PTCHD4: variants seen among roughly 807,000 people sequenced by gnomAD.
The protein encoded by PTCHD4 is patched domain containing 4, also known as patched domain-containing protein 4.
Under a neutral mutation model 58.1 loss-of-function variants are expected in PTCHD4, and 33 were observed. That is an observed-to-expected ratio of 0.57 (90% CI 0.43 to 0.76). The LOEUF (loss-of-function observed/expected upper bound fraction) is 0.76. PTCHD4 is among the 30% of genes least tolerant of loss of function. The pLI, the probability that PTCHD4 is intolerant of heterozygous loss-of-function variation, is 0.00. For missense variants in PTCHD4, 1,058 were observed against 1,027.1 expected (o/e 1.03, Z -0.41); for synonymous variants, 478 against 409.6 (o/e 1.17, Z -2.02).
chr6:47,921,635 C>T (rs1765436360), intron 4 of PTCHD4, among the ~76,000 whole-genome samples: 1 of 152,018 alleles, frequency 6.6e-6, no homozygotes, highest in South Asian at 2.1e-4. Context: ...CTCCTTTTAT[C>T]CCCCTCCTTA....
At position 48,065,090 on chromosome 6, in the gene PTCHD4, AC is replaced by A. The variant is rs1380028228; in HGVS notation, c.417+3139del. ...TAATCATGTTTATCAGAAGTTCTAA[AC>A]CTTTCTGTGTCCAGGACTCCCTGGG... is the stretch of plus-strand genomic sequence containing the variant. On this transcript the variant is annotated intron_variant, in intron 3 of 4. Coordinates refer to ENST00000339488, the MANE Select transcript of PTCHD4 (RefSeq NM_001384253.1). Among the ~76,000 whole-genome samples the A allele has an allele frequency of 8.5e-5, 13 of 152,112 alleles. No individual in the cohort carries two copies. In the East Asian group the frequency reaches 2.5e-3, roughly 30 times the overall value.
intron 4 of PTCHD4, among the ~76,000 whole-genome samples, chr6:47,970,673 A>G (rs1458648706): frequency 6.6e-6 from 1 of 152,216 alleles, no homozygotes; most frequent in African/African-American, 2.4e-5. Context: ...ACAGTACTGA[A>G]GAGTGAGATT....
intron 4 of PTCHD4, among the ~76,000 whole-genome samples, chr6:47,882,772 T>G (rs1764061733): frequency 2.2e-5 from 1 of 44,628 alleles, no homozygotes. Flanking sequence ...TAAATTTTTA[T>G]TGCCCTAACT....
intron 3 of PTCHD4, among the ~76,000 whole-genome samples, 175 bp from the exon 4 acceptor site, chr6:48,009,289 T>C (rs548025667): frequency 6.6e-6 from 1 of 152,338 alleles, no homozygotes; most frequent in South Asian, 2.1e-4. Context: ...CTACATGGGA[T>C]ACCATGTATG....
At position 47,871,071 on chromosome 6, in the gene PTCHD4, T is replaced by G. The variant is rs2114078278; in HGVS notation, c.*7232A>C. Among the ~76,000 whole-genome samples the G allele has an allele frequency of 6.6e-6, 1 of 151,732 alleles. No homozygotes were observed. The highest frequency in any genetic ancestry group is 2.4e-5 in the African/African-American group (1 of 41,500). On this transcript the variant is annotated 3_prime_UTR_variant, in exon 5 of 5. Coordinates refer to ENST00000339488, the MANE Select transcript of PTCHD4 (RefSeq NM_001384253.1). ...AACTGGTATTTTGTCTAGCTAGGATTAAGAACAAGTGGGTTTTGTTTTAGG... is the reference window on the plus strand; with the variant it reads ...AACTGGTATTTTGTCTAGCTAGGATGAAGAACAAGTGGGTTTTGTTTTAGG...
rs532306404 is a variant in PTCHD4 at position 47,865,729 on chromosome 6, T to A, written c.*12574A>T. Among the ~76,000 whole-genome samples, 32 of 151,944 alleles carry A rather than the reference T, an allele frequency of 2.1e-4. No individual in the cohort carries two copies. Among genetic ancestry groups the A allele is most frequent in the African/African-American group, 7.7e-4 (32 of 41,506 alleles). ...TTAATTCTTTGGTTCAGGTCTCTCATCTCCAGTCTAACCTACACTTAGAAC... is the reference window on the plus strand; with the variant it reads ...TTAATTCTTTGGTTCAGGTCTCTCAACTCCAGTCTAACCTACACTTAGAAC... On this transcript the variant is annotated 3_prime_UTR_variant, in exon 5 of 5. Coordinates refer to ENST00000339488, the MANE Select transcript of PTCHD4 (RefSeq NM_001384253.1).
At chr6:47,886,113 G>A (rs1260201907) in intron 4 of PTCHD4, among the ~76,000 whole-genome samples, 1 of 130,124 alleles carries the variant, frequency 7.7e-6, no homozygotes, top group Non-Finnish European at 1.6e-5. Flanking sequence ...CCACGGCGAT[G>A]GCAAGATTTT....
intron 4 of PTCHD4, among the ~76,000 whole-genome samples, chr6:47,948,563 G>A (rs1766506350): frequency 6.6e-6 from 1 of 152,130 alleles, no homozygotes; most frequent in Non-Finnish European, 1.5e-5. Context: ...TTTAAAATGA[G>A]AAACAGAATG....
intron 4 of PTCHD4, among the ~76,000 whole-genome samples, chr6:47,954,418 T>C (rs1713004579): frequency 6.6e-6 from 1 of 152,190 alleles, no homozygotes; most frequent in African/African-American, 2.4e-5. Context: ...GTGATGATCC[T>C]AAACTTTTCC....
chr6:47,993,927 AT>A lies in PTCHD4; in HGVS notation c.898+14706del, dbSNP rs1218445252. ...AAAAGTACATTGAGGTACTCAGACT[AT>A]TGAGAGCAGGAAGCTGTTATCACTT... On this transcript the variant is annotated intron_variant, in intron 4 of 4. Coordinates refer to ENST00000339488, the MANE Select transcript of PTCHD4 (RefSeq NM_001384253.1). Among the ~76,000 whole-genome samples the A allele has an allele frequency of 2.0e-5, 3 of 152,218 alleles. No homozygotes were observed. The East Asian group carries it at 5.8e-4, about 29-fold the overall frequency.
chr6:48,088,069 G>A (rs1765296242), intron 1 of PTCHD4, among the ~76,000 whole-genome samples: 1 of 152,004 alleles, frequency 6.6e-6, no homozygotes, highest in African/African-American at 2.4e-5. Context: ...ATTTTAAGTG[G>A]GCATGCTAGG....
rs1484189347 is a variant in PTCHD4 at position 47,860,983 on chromosome 6, G to T, written c.*17320C>A. Reference sequence around the variant, plus strand: ...AGTTGATGTGCTCCATGCTGAGGTCGAATGAAGAAGATAGAAAGTGCCCCT... The same window carrying T: ...AGTTGATGTGCTCCATGCTGAGGTCTAATGAAGAAGATAGAAAGTGCCCCT... On this transcript the variant is annotated 3_prime_UTR_variant, in exon 5 of 5. Coordinates refer to ENST00000339488, the MANE Select transcript of PTCHD4 (RefSeq NM_001384253.1). Among the ~76,000 whole-genome samples the T allele has an allele frequency of 6.6e-6, 1 of 151,912 alleles. No homozygotes were observed. Among genetic ancestry groups the T allele is most frequent in the Non-Finnish European group, 1.5e-5 (1 of 67,916 alleles).
At chr6:47,901,811 T>A (rs1392968315) in intron 4 of PTCHD4, 2 of 1,281,154 alleles carry the variant, frequency 1.6e-6, no homozygotes, top group Non-Finnish European at 2.0e-6. Flanking sequence ...ATCCTAGGAG[T>A]CTTCACATAT....
Position 47,860,857 on chromosome 6 carries a change from T to A in PTCHD4, c.*17446A>T, listed in dbSNP as rs1298564806. ...AAAATACTTTCATAAAAATTATTTA[T>A]CCTGAGATAAACTCTTTATGATTTT... On this transcript the variant is annotated 3_prime_UTR_variant, in exon 5 of 5. Coordinates refer to ENST00000339488, the MANE Select transcript of PTCHD4 (RefSeq NM_001384253.1). Among the ~76,000 whole-genome samples the A allele has an allele frequency of 2.0e-5, 3 of 152,140 alleles. No individual in the cohort carries two copies. In the South Asian group the frequency reaches 6.2e-4, roughly 32 times the overall value.
intron 3 of PTCHD4, among the ~76,000 whole-genome samples, chr6:48,045,718 A>G (rs996785685): frequency 2.6e-5 from 4 of 151,844 alleles, no homozygotes; most frequent in Non-Finnish European, 4.4e-5. Flanking sequence ...TCACACAGCT[A>G]TAAAGTAACA....
intron 4 of PTCHD4, among the ~76,000 whole-genome samples, chr6:47,959,272 C>T (rs1176665428): frequency 2.6e-5 from 4 of 152,048 alleles, no homozygotes; most frequent in African/African-American, 9.7e-5. Flanking sequence ...ATAAAAATGA[C>T]AATTCCTGGG....
At chr6:48,097,640 T>A (rs1390491361) in intron 1 of PTCHD4, among the ~76,000 whole-genome samples, 1 of 152,214 alleles carries the variant, frequency 6.6e-6, no homozygotes, top group East Asian at 1.9e-4. Flanking sequence ...AATTACTCTA[T>A]GTCTAGCATC....
At chr6:48,005,386 G>A (rs1762397180) in intron 4 of PTCHD4, among the ~76,000 whole-genome samples, 1 of 152,194 alleles carries the variant, frequency 6.6e-6, no homozygotes, top group African/African-American at 2.4e-5. Context: ...AATAGAAATA[G>A]AGGTTTACTA....
In PTCHD4 at chr6:47,873,956, G is replaced by A. The variant is rs768421196; in HGVS notation, c.*4347C>T. 7.9e-5 allele frequency among the ~76,000 whole-genome samples: 12 copies of A among 151,730 alleles called. No homozygotes were observed. The highest frequency in any genetic ancestry group is 3.4e-3 in the Middle Eastern group (1 of 294). ...TTTGCAAAGATTGCCAATATCCTTCGCAGACACCAACAAACCAGACTGAAC... is the reference window on the plus strand; with the variant it reads ...TTTGCAAAGATTGCCAATATCCTTCACAGACACCAACAAACCAGACTGAAC... On this transcript the variant is annotated 3_prime_UTR_variant, in exon 5 of 5. Coordinates refer to ENST00000339488, the MANE Select transcript of PTCHD4 (RefSeq NM_001384253.1).
Sources: gnomAD v4.1 joint callset for allele counts (sites outside exome capture counted in the v4.1 genomes callset) on GRCh38, gnomAD v4.1.1 for gene constraint, MANE v1.5 for transcripts, NCBI Gene and HGNC (gene_info 2026-07-23, HGNC 2026-07-21) for gene names.